Variants in RAB31 observed in about 807,000 individuals in gnomAD.
RAB31 encodes RAB31, member RAS oncogene family.
A neutral mutation model predicts 25.6 loss-of-function variants in RAB31; 21 were observed. The ratio of observed to expected loss-of-function variants is 0.82; its 90% CI spans 0.58 to 1.18. The LOEUF (loss-of-function observed/expected upper bound fraction) is 1.18, where lower values mean the gene tolerates loss of function less well. RAB31 is among the 50% of genes most tolerant of loss of function. The pLI is 0.00. For missense variants in RAB31, 196 were observed against 250.1 expected, an observed-to-expected ratio of 0.78 and a Z score of 1.46; for synonymous variants, 87 against 84.0, an observed-to-expected ratio of 1.04 and a Z score of -0.20.
At chr18:9,857,036 T>C (rs1331006833) in intron 6 of RAB31, among the ~76,000 whole-genome samples, 1 of 152,232 alleles carries the variant, frequency 6.6e-6, no homozygotes. Context: ...TTCATACTTA[T>C]GGTCTCCTTT....
intron 1 of RAB31, among the ~76,000 whole-genome samples, chr18:9,767,066 A>C (rs991311345): frequency 2.0e-5 from 3 of 152,180 alleles, no homozygotes; most frequent in Non-Finnish European, 4.4e-5. Context: ...TAAATGCAAA[A>C]ATCCTTCTCA....
intron 5 of RAB31, among the ~76,000 whole-genome samples, chr18:9,831,210 G>A (rs979129337): frequency 6.6e-6 from 1 of 152,200 alleles, no homozygotes; most frequent in Non-Finnish European, 1.5e-5. Flanking sequence ...ATGGTCTGGT[G>A]GAGACTGGGC....
chr18:9,814,203 A>G (rs1599050777), intron 4 of RAB31, 112 bp downstream of exon 4: 3 of 700,574 alleles, frequency 4.3e-6, no homozygotes, highest in Non-Finnish European at 7.5e-6. Flanking sequence ...GCCACTATAT[A>G]TTGAGTTTAT....
intron 1 of RAB31, among the ~76,000 whole-genome samples, chr18:9,731,956 G>C (rs2068125025): frequency 6.6e-6 from 1 of 152,182 alleles, no homozygotes; most frequent in Admixed American, 6.5e-5. Context: ...ATTGAACTCA[G>C]ACAAATTTTA....
At position 9,748,603 on chromosome 18, in the gene RAB31, T is replaced by TAA. The variant is rs199538540; in HGVS notation, c.40-26674_40-26673insAA. On this transcript the variant is annotated intron_variant, in intron 1 of 6. Coordinates refer to ENST00000578921, the MANE Select transcript of RAB31 (RefSeq NM_006868.4). ...GATCACATCTGTTGATATTTAAAAA[T>TAA]ATAAGGGGACCAGATGCGGTGGCTC... 4.9e-3 allele frequency among the ~76,000 whole-genome samples: 748 copies of TAA among 151,584 alleles called. 4 individuals are homozygous for TAA. Among genetic ancestry groups the TAA allele is most frequent in the Non-Finnish European group, 7.5e-3 (511 of 67,850 alleles).
chr18:9,785,925 G>A (rs902753140), intron 2 of RAB31, among the ~76,000 whole-genome samples: 4 of 152,166 alleles, frequency 2.6e-5, no homozygotes, highest in African/African-American at 9.7e-5. Flanking sequence ...GCCAGGTGTG[G>A]TGGTGCATCC....
rs2145455807 is a variant in RAB31 at position 9,717,910 on chromosome 18, T to G, written c.39+9466T>G. Among the ~76,000 whole-genome samples, 3 of 152,350 alleles carry G rather than the reference T, an allele frequency of 2.0e-5. No individual in the cohort carries two copies. In the East Asian group the frequency reaches 5.8e-4, roughly 29 times the overall value. On this transcript the variant is annotated intron_variant, in intron 1 of 6. Transcript: ENST00000578921. ...TTTATTTACTTTTTATTTATTTTAT[T>G]TACTTTTTTTGAGACCGGGTCTTGC...
At chr18:9,741,483 C>A (rs563408701) in intron 1 of RAB31, among the ~76,000 whole-genome samples, 1 of 151,932 alleles carries the variant, frequency 6.6e-6, no homozygotes, top group African/African-American at 2.4e-5. Flanking sequence ...ACAATACCAC[C>A]GTGGATGGAT....
At chr18:9,811,826 C>T (rs1003050031) in intron 3 of RAB31, among the ~76,000 whole-genome samples, 1 of 152,176 alleles carries the variant, frequency 6.6e-6, no homozygotes, top group Admixed American at 6.5e-5. Context: ...TCTCATCTAA[C>T]AGTATGTCAA....
At chr18:9,709,283 G>T (rs8090845) in intron 1 of RAB31, among the ~76,000 whole-genome samples, 2 of 152,122 alleles carry the variant, frequency 1.3e-5, no homozygotes, top group Non-Finnish European at 2.9e-5. Context: ...TCAGATAAAC[G>T]TAGGGTCGCT....
intron 1 of RAB31, among the ~76,000 whole-genome samples, chr18:9,739,419 C>G (rs2068166647): frequency 6.6e-6 from 1 of 151,998 alleles, no homozygotes; most frequent in Admixed American, 6.6e-5. Flanking sequence ...TTGCAGTGGG[C>G]CGAGATTGTG....
At chr18:9,739,632 T>C (rs1378108171) in intron 1 of RAB31, among the ~76,000 whole-genome samples, 1 of 152,138 alleles carries the variant, frequency 6.6e-6, no homozygotes, top group African/African-American at 2.4e-5. Flanking sequence ...TTAGATACAC[T>C]GTATTGATGA....
chr18:9,764,107 G>A (rs902161764), intron 1 of RAB31, among the ~76,000 whole-genome samples: 3 of 152,138 alleles, frequency 2.0e-5, no homozygotes, highest in Non-Finnish European at 2.9e-5. Flanking sequence ...ATGGAAAAAC[G>A]CATATTTTAG....
At chr18:9,812,174 C>T (rs560711472) in intron 3 of RAB31, among the ~76,000 whole-genome samples, 72 of 152,172 alleles carry the variant, frequency 4.7e-4, no homozygotes, top group South Asian at 2.1e-4. Context: ...CTCCTAAGGG[C>T]CCCACCTCCT....
chr18:9,756,215 A>G (rs58415485), intron 1 of RAB31, among the ~76,000 whole-genome samples: 3,447 of 152,306 alleles, frequency 0.023, 155 homozygotes, highest in African/African-American at 0.079. Context: ...ATGCAGTGCG[A>G]TCAAGTATAG....
At chr18:9,840,227 A>G (rs1014916626) in intron 5 of RAB31, among the ~76,000 whole-genome samples, 10 of 152,232 alleles carry the variant, frequency 6.6e-5, no homozygotes, top group East Asian at 5.8e-4. Context: ...TGATTTCTGC[A>G]TATAGATTGG....
chr18:9,714,662 C>T (rs376354474), intron 1 of RAB31, among the ~76,000 whole-genome samples: 1 of 152,254 alleles, frequency 6.6e-6, no homozygotes, highest in African/African-American at 2.4e-5. Flanking sequence ...GTTTTTATCA[C>T]TTATGACATG....
chr18:9,822,992 C>G (rs1033841212), intron 5 of RAB31, among the ~76,000 whole-genome samples: 2 of 152,120 alleles, frequency 1.3e-5, no homozygotes, highest in Non-Finnish European at 2.9e-5. Flanking sequence ...TTGTAATAGT[C>G]CTAAACTGGG....
At chr18:9,735,899 A>C (rs1184188810) in intron 1 of RAB31, among the ~76,000 whole-genome samples, 4 of 152,122 alleles carry the variant, frequency 2.6e-5, no homozygotes, top group African/African-American at 9.7e-5. Context: ...TGCCATGGTG[A>C]GATAATAGCT....
Sources: allele counts gnomAD v4.1 joint callset (sites outside exome capture counted in the v4.1 genomes callset), GRCh38; gene constraint gnomAD v4.1.1; transcripts MANE v1.5; gene names NCBI Gene and HGNC (gene_info 2026-07-23, HGNC 2026-07-21).